SHC4: variants seen among roughly 807,000 people sequenced by gnomAD.
SHC4 encodes SHC-transforming protein 4.
SHC4 carries 41 observed loss-of-function variants against 69.4 expected under a neutral mutation model. The observed-to-expected ratio is 0.59, with a 90% CI of 0.46 to 0.77. The LOEUF is 0.77. Ranked by LOEUF, SHC4 falls within the 30% of genes least tolerant of loss-of-function variation. The pLI is 0.00. For missense variants in SHC4, 777 were observed against 783.8 expected (o/e 0.99, Z 0.10); for synonymous variants, 318 against 299.3 (o/e 1.06, Z -0.64).
At chr15:48,956,829 G>A (rs1002729502) in intron 1 of SHC4, among the ~76,000 whole-genome samples, 1 of 152,144 alleles carries the variant, frequency 6.6e-6, no homozygotes, top group African/African-American at 2.4e-5. Flanking sequence ...ATTTCCTCAA[G>A]GTAACTCTTT....
rs1898868648 is a variant in SHC4 at position 48,834,792 on chromosome 15, G to C, written c.1714C>G (p.Leu572Val). The C allele has an allele frequency of 4.3e-6, 7 of 1,614,024 alleles. No homozygotes were observed. The highest frequency in any genetic ancestry group is 4.2e-6 in the Non-Finnish European group (5 of 1,180,012). Residue 572 changes from leucine to valine, a missense_variant, in exon 11 of 12, where the codon CTC becomes GTC. Physicochemically the swap from Leu to Val is conservative, Grantham distance 32. Transcript: ENST00000332408. ...GLQGGQAKHL[L>V]LVDPEGKVRT... ...ACCTTGCCTTCAGGATCCACCAGGA[G>C]AAGATGTTTTGCTTGGCCTCCCTGT...
intron 2 of SHC4, among the ~76,000 whole-genome samples, chr15:48,921,538 G>A (rs761166883): frequency 5.3e-5 from 8 of 152,134 alleles, no homozygotes; most frequent in Non-Finnish European, 7.4e-5. Context: ...GTTTCACCAT[G>A]TTGATCAGGT....
intron 2 of SHC4, among the ~76,000 whole-genome samples, chr15:48,921,886 T>C (rs554312715): frequency 9.8e-5 from 15 of 152,294 alleles, no homozygotes; most frequent in African/African-American, 3.6e-4. Context: ...TATAATATTG[T>C]TCAGATTTTG....
At chr15:48,955,204 T>C (rs1901425623) in intron 1 of SHC4, among the ~76,000 whole-genome samples, 1 of 152,154 alleles carries the variant, frequency 6.6e-6, no homozygotes, top group Non-Finnish European at 1.5e-5. Flanking sequence ...TTCCCACATA[T>C]TCTGAAGGGG....
At chr15:48,845,279 A>C (rs1226770986) in intron 9 of SHC4, among the ~76,000 whole-genome samples, 1 of 152,202 alleles carries the variant, frequency 6.6e-6, no homozygotes, top group Non-Finnish European at 1.5e-5. Flanking sequence ...AAGCAGGAGA[A>C]GCCCAGTCAG....
intron 2 of SHC4, among the ~76,000 whole-genome samples, chr15:48,899,172 T>C (rs577398816): frequency 6.6e-6 from 1 of 152,134 alleles, no homozygotes; most frequent in Non-Finnish European, 1.5e-5. Flanking sequence ...TTTAAAGATA[T>C]TTAAAACAGT....
At chr15:48,893,113 T>C (rs1286270217) in intron 2 of SHC4, among the ~76,000 whole-genome samples, 1 of 152,162 alleles carries the variant, frequency 6.6e-6, no homozygotes, top group Non-Finnish European at 1.5e-5. Flanking sequence ...CAAAAAGTAA[T>C]GCAGTGAATT....
At chr15:48,877,531 T>A (rs1899831570) in intron 4 of SHC4, 1 of 984,574 alleles carries the variant, frequency 1.0e-6, no homozygotes. Flanking sequence ...TAAAGATACA[T>A]GTAAATGCAA....
intron 2 of SHC4, among the ~76,000 whole-genome samples, chr15:48,913,952 G>C (rs1900565169): frequency 1.3e-5 from 2 of 152,176 alleles, no homozygotes. Flanking sequence ...AGTTTTGGGG[G>C]TTCTCCTGGG....
intron 10 of SHC4, 35 bp downstream of exon 10, chr15:48,843,374 T>A: frequency 6.4e-7 from 1 of 1,556,476 alleles, no homozygotes. Context: ...AAAACAGCCC[T>A]AAGAAATGAA....
intron 11 of SHC4, among the ~76,000 whole-genome samples, chr15:48,830,447 C>A (rs1452534820): frequency 6.6e-6 from 1 of 152,144 alleles, no homozygotes; most frequent in East Asian, 1.9e-4. Context: ...CAACAGACTG[C>A]ATATACAATG....
chr15:48,937,994 C>A (rs1475258511), intron 1 of SHC4, among the ~76,000 whole-genome samples: 1 of 152,136 alleles, frequency 6.6e-6, no homozygotes, highest in African/African-American at 2.4e-5. Flanking sequence ...AAGTCTTTTG[C>A]GGGGAGGAGC....
chr15:48,908,652 A>G (rs1595753217), intron 2 of SHC4, among the ~76,000 whole-genome samples: 2 of 152,060 alleles, frequency 1.3e-5, no homozygotes, highest in Non-Finnish European at 2.9e-5. Context: ...GAGTTTTTCC[A>G]ATGTTATCTT....
chr15:48,954,331 G>T (rs1020453631), intron 1 of SHC4, among the ~76,000 whole-genome samples: 1 of 152,190 alleles, frequency 6.6e-6, no homozygotes, highest in Non-Finnish European at 1.5e-5. Context: ...CTCAGCAGAG[G>T]TTCCCAAATC....
intron 2 of SHC4, among the ~76,000 whole-genome samples, chr15:48,921,333 T>C (rs1024953536): frequency 1.5e-5 from 2 of 133,360 alleles, no homozygotes; most frequent in Admixed American, 7.1e-5. Context: ...AAGTTATCGT[T>C]TTTTTTTTTT....
At chr15:48,871,921 A>C in intron 5 of SHC4, 168 bp downstream of exon 5, 1 of 516,984 alleles carries the variant, frequency 1.9e-6, no homozygotes, top group Non-Finnish European at 3.4e-6. Context: ...AAAATATTTT[A>C]TTATCTGCTA....
intron 1 of SHC4, among the ~76,000 whole-genome samples, chr15:48,956,520 C>T (rs1901456416): frequency 6.6e-6 from 1 of 152,192 alleles, no homozygotes; most frequent in Non-Finnish European, 1.5e-5. Context: ...GCTGGCCAGA[C>T]ACATGAGGAA....
At chr15:48,828,132 TATAC>T (rs58218226) in intron 11 of SHC4, among the ~76,000 whole-genome samples, 50,738 of 146,798 alleles carry the variant, frequency 0.35, 9,757 homozygotes, top group Non-Finnish European at 0.45. Flanking sequence ...TATATATATA[TATAC>T]ATCTGTTATG....
chr15:48,884,949 A>G (rs1198475689), intron 3 of SHC4, among the ~76,000 whole-genome samples: 3 of 152,214 alleles, frequency 2.0e-5, no homozygotes, highest in Non-Finnish European at 2.9e-5. Context: ...GAAGGTCCCA[A>G]TTGTTAAACT....
Sources: gnomAD v4.1 joint callset for allele counts (sites outside exome capture counted in the v4.1 genomes callset) on GRCh38, gnomAD v4.1.1 for gene constraint, MANE v1.5 for transcripts, NCBI Gene and HGNC (gene_info 2026-07-23, HGNC 2026-07-21) for gene names.